Variants in CEP72 observed in about 807,000 individuals in gnomAD.
The protein encoded by CEP72 is centrosomal protein of 72 kDa.
A neutral mutation model predicts 65.7 loss-of-function variants in CEP72; 78 were observed. That is an observed-to-expected ratio of 1.19 (90% CI 0.99 to 1.43). The LOEUF is 1.43. Among genes scored for constraint, CEP72 ranks in the 40% most tolerant of loss-of-function variants. The pLI is 0.00. For synonymous variants in CEP72, 358 were observed against 351.7 expected, an observed-to-expected ratio of 1.02 and a Z score of -0.20; for missense variants, 914 against 832.9, an observed-to-expected ratio of 1.10 and a Z score of -1.20.
At chr5:649,745 G>GGACTGTGAGGGGT (rs1738813464) in intron 11 of CEP72, among the ~76,000 whole-genome samples, 1 of 44,362 alleles carries the variant, frequency 2.3e-5, no homozygotes, top group Non-Finnish European at 3.6e-5. Context: ...TGTGAGGCGT[G>GGACTGTGAGGGGT]GACTGTGAGG....
chr5:676,362 G>C, the CEP72 span: 1 of 122,358 alleles, frequency 8.2e-6, no homozygotes, highest in East Asian at 2.5e-4. Context: ...CAGCTGCAAA[G>C]GTCACGGCGC....
the CEP72 span, among the ~76,000 whole-genome samples, chr5:673,846 A>AC: frequency 3.7e-4 from 57 of 152,166 alleles, no homozygotes; most frequent in African/African-American, 1.4e-3. Flanking sequence ...GGGTGCCAGC[A>AC]CCCCCACAAG....
At chr5:664,974 G>T (rs558125705) in intron 2 of CEP72, 3 of 1,144,278 alleles carry the variant, frequency 2.6e-6, no homozygotes, top group South Asian at 3.0e-5. Context: ...GGGCCTGGCC[G>T]CCCCCCAGCC....
chr5:619,987 G>T, intron 2 of CEP72, 82 bp from the exon 3 acceptor site: 2 of 1,078,154 alleles, frequency 1.9e-6, no homozygotes, highest in Non-Finnish European at 2.8e-6. Context: ...ACAGTTGGTT[G>T]GTCAGTGTGT....
downstream of CEP72, among the ~76,000 whole-genome samples, chr5:667,820 A>C (rs1369148750): frequency 2.9e-5 from 4 of 140,314 alleles, no homozygotes; most frequent in Non-Finnish European, 6.2e-5. Context: ...TCAGGGAAGT[A>C]CAGACAAGCA....
chr5:635,983 T>C (rs13171881), intron 6 of CEP72, among the ~76,000 whole-genome samples: 66 of 135,942 alleles, frequency 4.9e-4, no homozygotes, highest in East Asian at 2.8e-3. Flanking sequence ...CCCAGCCCTG[T>C]GCTACAGCAT....
At chr5:619,157 A>T in intron 2 of CEP72, 40 bp downstream of exon 2, 1 of 1,588,308 alleles carries the variant, frequency 6.3e-7, no homozygotes. Context: ...ATTGCTATCA[A>T]CATCAGTGGA....
chr5:650,721 G>T (rs1580035392), intron 11 of CEP72, among the ~76,000 whole-genome samples: 1 of 30,256 alleles, frequency 3.3e-5, no homozygotes, highest in Non-Finnish European at 5.4e-5. Context: ...GTGAGGCGTG[G>T]ACTGTGAGGC....
chr5:659,154 G>C (rs1173025381), downstream of CEP72, among the ~76,000 whole-genome samples: 1 of 152,246 alleles, frequency 6.6e-6, no homozygotes, highest in Non-Finnish European at 1.5e-5. Flanking sequence ...TATGGCATGT[G>C]TGCGTTTAGT....
chr5:654,024 A>AGTGTGTGCGCTAGT (rs70955273), downstream of CEP72, among the ~76,000 whole-genome samples: 3 of 141,848 alleles, frequency 2.1e-5, no homozygotes. Context: ...TGTGTGCGCT[A>AGTGTGTGCGCTAGT]GTGTGCGCTT....
At position 623,370 on chromosome 5, in the gene CEP72, G is replaced by A. The variant is rs1298985787; in HGVS notation, c.404-1101G>A. 6.6e-6 allele frequency among the ~76,000 whole-genome samples: 1 copy of A among 152,234 alleles called. No homozygotes were observed. The highest frequency in any genetic ancestry group is 6.5e-5 in the Admixed American group (1 of 15,292). The stretch of plus-strand genomic sequence containing the variant: ...GAGTGGGCTCGGTCCTTGGCTCCGC[G>A]TGGGTCATGGAAAGGCCCCGGTGGT... On this transcript the variant is annotated intron_variant, in intron 3 of 11. Coordinates refer to ENST00000264935, the MANE Select transcript of CEP72 (RefSeq NM_018140.4). This position sits in a 1 kb window ranked among gnomAD's most constrained non-coding sequence, Gnocchi z 5.3.
chr5:624,905 G>A lies in CEP72; in HGVS notation c.512+326G>A, dbSNP rs374327130. On this transcript the variant is annotated intron_variant, in intron 4 of 11. Transcript: ENST00000264935. This position sits in a 1 kb window ranked among gnomAD's most constrained non-coding sequence, Gnocchi z 4.7. ...GTGGCTGCCTCTGCTTCCAGCTCTC[G>A]CTTCAGCTACTTTCTTAGCTGCCCA... is the stretch of plus-strand genomic sequence containing the variant. 1.3e-5 allele frequency among the ~76,000 whole-genome samples: 2 copies of A among 152,152 alleles called. No homozygotes were observed. The highest frequency in any genetic ancestry group is 4.8e-5 in the African/African-American group (2 of 41,426).
rs751715567 is a variant in CEP72, at chr5:665,163, C to T, written n.288-17C>T. On this transcript the variant is annotated splice_polypyrimidine_tract_variant and intron_variant and non_coding_transcript_variant, in intron 2 of 4. Transcript: ENST00000514507. ...TGCGTGCTTGTAGCCGGACACATAG[C>T]CTGACTCGTCCACCAGATCCACGCG... is the stretch of plus-strand genomic sequence containing the variant. 1.9e-6 allele frequency: 3 copies of T among 1,613,412 alleles called. No homozygotes were observed. The African/African-American group carries it at 4.0e-5, about 22-fold the overall frequency.
intron 9 of CEP72, chr5:641,060 T>G: frequency 1.0e-6 from 1 of 985,424 alleles, no homozygotes; most frequent in Non-Finnish European, 1.2e-6. Flanking sequence ...TTTATCACCT[T>G]GGATTTCTGT....
intron 11 of CEP72, among the ~76,000 whole-genome samples, chr5:649,195 G>T (rs1738715611): frequency 7.2e-6 from 1 of 138,754 alleles, no homozygotes; most frequent in Non-Finnish European, 1.6e-5. Flanking sequence ...TGACTGTGAG[G>T]TGTGACTGTG....
At chr5:640,697 C>G (rs1737955757) in intron 9 of CEP72, 93 bp downstream of exon 9, 2 of 1,462,900 alleles carry the variant, frequency 1.4e-6, no homozygotes, top group South Asian at 1.4e-5. Context: ...TGATGCCACA[C>G]TGTCCCAACT....
the CEP72 span, among the ~76,000 whole-genome samples, chr5:674,256 C>T: frequency 2.6e-5 from 4 of 152,210 alleles, no homozygotes; most frequent in Admixed American, 6.5e-5. Context: ...TGTGTCCACA[C>T]GCCCGAGCCT....
At chr5:666,051 G>A in exon 4 of CEP72, 1 of 1,610,996 alleles carries the variant, frequency 6.2e-7, no homozygotes, top group South Asian at 1.1e-5. Context: ...TCTTGTCTTT[G>A]AATCGCTTCT....
the CEP72 span, among the ~76,000 whole-genome samples, chr5:672,242 C>T: frequency 8.5e-5 from 13 of 152,170 alleles, no homozygotes; most frequent in Non-Finnish European, 1.6e-4. Flanking sequence ...CAGCCCTCCA[C>T]GCTCGGGGCA....
Sources: gnomAD v4.1 joint callset for allele counts (sites outside exome capture counted in the v4.1 genomes callset) on GRCh38, gnomAD v4.1.1 for gene constraint, Gnocchi (gnomAD v3.1) non-coding constraint, MANE v1.5 for transcripts, NCBI Gene and HGNC (gene_info 2026-07-23, HGNC 2026-07-21) for gene names.